Variants in ERC1 observed in about 807,000 individuals in gnomAD.
The protein encoded by ERC1 is ELKS/RAB6-interacting/CAST family member 1, also known as RAB6 interacting protein 2.
In ERC1, 56 loss-of-function variants were observed where a neutral mutation model predicts 132.0. The ratio of observed to expected loss-of-function variants is 0.42; its 90% CI spans 0.34 to 0.53. ERC1 has a LOEUF of 0.53. Ranked by LOEUF, ERC1 falls within the 20% of genes least tolerant of loss-of-function variation. ERC1 has a pLI of 0.03. For synonymous variants in ERC1, 478 were observed against 476.1 expected (o/e 1.00, Z -0.05); for missense variants, 1,202 against 1,349.9 (o/e 0.89, Z 1.72).
chr12:1,458,448 A>G (rs1409317650), intron 18 of ERC1, among the ~76,000 whole-genome samples: 1 of 152,144 alleles, frequency 6.6e-6, no homozygotes, highest in Non-Finnish European at 1.5e-5. Context: ...TTTTTAACAG[A>G]TAAATAGATT....
chr12:1,122,493 ATCTCTATCTCTATCTCTATCTGTG>A (rs1233890567), intron 7 of ERC1, among the ~76,000 whole-genome samples: 10 of 65,572 alleles, frequency 1.5e-4, no homozygotes, highest in African/African-American at 7.2e-4. Context: ...CTCTATCTCT[ATCTCTATCTCTATCTCTATCTGTG>A]TCTCTATCTC....
At chr12:1,394,169 G>C (rs997417858) in intron 16 of ERC1, among the ~76,000 whole-genome samples, 1 of 151,938 alleles carries the variant, frequency 6.6e-6, no homozygotes, top group Non-Finnish European at 1.5e-5. Flanking sequence ...GGGAGGCCAA[G>C]GCGGGCAGAT....
chr12:1,267,211 A>C (rs967919948), intron 14 of ERC1, among the ~76,000 whole-genome samples: 1 of 152,266 alleles, frequency 6.6e-6, no homozygotes, highest in Non-Finnish European at 1.5e-5. Context: ...AATGATCCCC[A>C]CAGGGGAGAA....
intron 2 of ERC1, among the ~76,000 whole-genome samples, chr12:1,062,084 G>A (rs370098931): frequency 4.1e-4 from 59 of 144,424 alleles, no homozygotes; most frequent in Middle Eastern, 7.1e-3. Flanking sequence ...TCTGCCTCCC[G>A]GGTTCACTCC....
At chr12:1,445,222 A>ATTTTT (rs137864873) in intron 18 of ERC1, among the ~76,000 whole-genome samples, 69 of 90,712 alleles carry the variant, frequency 7.6e-4, no homozygotes, top group African/African-American at 1.8e-3. Flanking sequence ...TGTACAGTAG[A>ATTTTT]TTTTTTTTTT....
At chr12:1,407,620 A>G (rs911150483) in intron 16 of ERC1, among the ~76,000 whole-genome samples, 2 of 152,176 alleles carry the variant, frequency 1.3e-5, no homozygotes, top group Non-Finnish European at 2.9e-5. Flanking sequence ...TTTAATTGCC[A>G]GTCTTAGCCC....
rs576206874 is a variant in ERC1, at chr12:1,277,348, C to T, written c.2620-12504C>T. Among the ~76,000 whole-genome samples the T allele has an allele frequency of 2.0e-5, 3 of 152,260 alleles. No homozygotes were observed. The South Asian group carries it at 6.2e-4, about 32-fold the overall frequency. On this transcript the variant is annotated intron_variant, in intron 14 of 18. Transcript: ENST00000360905. ...AAATCTTTTTGATCCTACTTTATTT[C>T]CTTTTAGTGGGACTGATGCTTCTGA...
chr12:1,488,949 T>C (rs2094284415), intron 18 of ERC1, among the ~76,000 whole-genome samples: 2 of 152,210 alleles, frequency 1.3e-5, no homozygotes, highest in Non-Finnish European at 2.9e-5. Context: ...CTTGGTGGAC[T>C]CTTCCTTCTG....
intron 15 of ERC1, among the ~76,000 whole-genome samples, chr12:1,316,119 C>G (rs1189963269): frequency 2.0e-5 from 3 of 152,126 alleles, no homozygotes; most frequent in Non-Finnish European, 4.4e-5. Flanking sequence ...GATCTCCTGA[C>G]CTCGTGATCC....
chr12:1,315,455 A>G (rs572998065), intron 15 of ERC1, among the ~76,000 whole-genome samples: 1 of 151,850 alleles, frequency 6.6e-6, no homozygotes, highest in Non-Finnish European at 1.5e-5. Context: ...GGTTCAAGCT[A>G]TTCTCCTGCC....
intron 1 of ERC1, among the ~76,000 whole-genome samples, chr12:1,012,873 C>T (rs532043154): frequency 6.6e-6 from 1 of 152,282 alleles, no homozygotes; most frequent in Non-Finnish European, 1.5e-5. Flanking sequence ...GCTAACTTTT[C>T]AAGTATGTTT....
At chr12:1,468,704 TCTA>T (rs763123616) in intron 18 of ERC1, among the ~76,000 whole-genome samples, 7 of 152,104 alleles carry the variant, frequency 4.6e-5, no homozygotes, top group Non-Finnish European at 2.9e-5. Context: ...GGATCACTGT[TCTA>T]CTGTTATTTT....
intron 17 of ERC1, among the ~76,000 whole-genome samples, chr12:1,440,272 T>A (rs34598688): frequency 3.5e-5 from 5 of 141,012 alleles, no homozygotes; most frequent in African/African-American, 8.4e-5. Context: ...TGGTGCCATC[T>A]CGGCTCACTG....
chr12:1,075,565 C>T (rs752394041), intron 2 of ERC1, among the ~76,000 whole-genome samples: 3 of 152,046 alleles, frequency 2.0e-5, no homozygotes, highest in Non-Finnish European at 4.4e-5. Flanking sequence ...GTGGTGCTCA[C>T]CTGTAATCCC....
intron 2 of ERC1, among the ~76,000 whole-genome samples, chr12:1,065,764 C>T (rs939696515): frequency 2.6e-5 from 4 of 152,138 alleles, no homozygotes; most frequent in Middle Eastern, 3.4e-3. Flanking sequence ...AATACTTTTT[C>T]CTGCAGGTAT....
chr12:1,463,113 A>T (rs1330477151), intron 18 of ERC1, among the ~76,000 whole-genome samples: 2 of 152,016 alleles, frequency 1.3e-5, no homozygotes, highest in Non-Finnish European at 2.9e-5. Flanking sequence ...GCTCAGACTT[A>T]TCCTCTCCTT....
intron 15 of ERC1, among the ~76,000 whole-genome samples, chr12:1,335,643 A>T (rs562583395): frequency 1.1e-4 from 16 of 151,818 alleles, no homozygotes; most frequent in African/African-American, 3.4e-4. Flanking sequence ...TTTGTTGAGG[A>T]TTTTGCATTG....
intron 16 of ERC1, among the ~76,000 whole-genome samples, chr12:1,393,923 G>A (rs1415591480): frequency 6.7e-6 from 1 of 149,858 alleles, no homozygotes; most frequent in African/African-American, 2.5e-5. Context: ...GGCTGAGGCA[G>A]GAGAATGGCG....
chr12:996,249 CTTTTTTTTTTTTT>C (rs35403554), intron 1 of ERC1, among the ~76,000 whole-genome samples: 49 of 43,768 alleles, frequency 1.1e-3, no homozygotes, highest in Admixed American at 5.3e-3. Flanking sequence ...CCATGCCTGG[CTTTTTTTTTTTTT>C]TTTTTTTTTT....
Sources: gnomAD v4.1 joint callset for allele counts (sites outside exome capture counted in the v4.1 genomes callset) on GRCh38, gnomAD v4.1.1 for gene constraint, MANE v1.5 for transcripts, NCBI Gene and HGNC (gene_info 2026-07-23, HGNC 2026-07-21) for gene names.